Variants in SIDT1 observed in about 807,000 individuals in gnomAD.
SIDT1 encodes SID1 transmembrane family, member 1.
SIDT1 carries 101 observed loss-of-function variants against 107.5 expected under a neutral mutation model. The ratio of observed to expected loss-of-function variants is 0.94; its 90% confidence interval spans 0.80 to 1.11. SIDT1 has a LOEUF of 1.11. Ranked by LOEUF, SIDT1 falls within the 50% of genes least tolerant of loss-of-function variation. SIDT1 has a pLI of 0.00. For missense variants in SIDT1, 1,076 were observed against 1,058.2 expected, an observed-to-expected ratio of 1.02 and a Z score of -0.23; for synonymous variants, 395 against 398.2, an observed-to-expected ratio of 0.99 and a Z score of 0.10.
intron 1 of SIDT1, among the ~76,000 whole-genome samples, chr3:113,547,483 T>G (rs1047022040): frequency 3.9e-5 from 6 of 152,190 alleles, no homozygotes; most frequent in African/African-American, 7.2e-5. Context: ...TTCCCTCATT[T>G]TTTGTTTTTG....
chr3:113,601,901 G>T, intron 11 of SIDT1: 1 of 439,922 alleles, frequency 2.3e-6, no homozygotes, highest in Non-Finnish European at 4.0e-6. Context: ...TTCCTTCAAT[G>T]TTTGCCATCT....
intron 9 of SIDT1, among the ~76,000 whole-genome samples, chr3:113,585,660 A>T (rs894090973): frequency 6.6e-6 from 1 of 152,228 alleles, no homozygotes; most frequent in African/African-American, 2.4e-5. Context: ...AGCTTTAAAC[A>T]TTCTAACAAA....
chr3:113,619,315 T>A (rs1946305103), intron 20 of SIDT1, among the ~76,000 whole-genome samples: 1 of 152,164 alleles, frequency 6.6e-6, no homozygotes, highest in Admixed American at 6.5e-5. Flanking sequence ...AAAACAGTGC[T>A]CAATTACATA....
At position 113,584,998 on chromosome 3, in the gene SIDT1, G is replaced by A. The variant is rs114771873; in HGVS notation, c.908-179G>A. Reference sequence around the variant, plus strand: ...GCTTCTACTGGGAAGTCATCATTGTGAAAGGTAGCTACTGTGGATAATGTC... The same window carrying A: ...GCTTCTACTGGGAAGTCATCATTGTAAAAGGTAGCTACTGTGGATAATGTC... On this transcript the variant is annotated intron_variant, in intron 8 of 24. Transcript: ENST00000264852. Among the ~76,000 whole-genome samples, 1,308 of 152,250 alleles carry A rather than the reference G, an allele frequency of 8.6e-3. 22 individuals carry two copies. Among genetic ancestry groups the A allele is most frequent in the African/African-American group, 0.03 (1,257 of 41,524 alleles).
intron 1 of SIDT1, among the ~76,000 whole-genome samples, chr3:113,552,183 C>A (rs1170881672): frequency 6.6e-6 from 1 of 152,150 alleles, no homozygotes. Context: ...TTTTCTCCTG[C>A]CTTCTAAAAA....
chr3:113,598,311 A>T (rs1412872369), intron 10 of SIDT1, among the ~76,000 whole-genome samples: 1 of 152,190 alleles, frequency 6.6e-6, no homozygotes, highest in Non-Finnish European at 1.5e-5. Context: ...CAAAACACTG[A>T]TTGTTTTTGT....
intron 13 of SIDT1, 98 bp from the exon 14 acceptor site, chr3:113,604,812 A>G: frequency 1.4e-6 from 2 of 1,394,298 alleles, no homozygotes; most frequent in Non-Finnish European, 2.0e-6. Context: ...CAAGTTAATT[A>G]TGGACTTATG....
chr3:113,594,919 A>G (rs1173298578), intron 10 of SIDT1: 3 of 154,348 alleles, frequency 1.9e-5, no homozygotes, highest in African/African-American at 7.2e-5. Context: ...ATTTACTCCC[A>G]GGGCTGGCAG....
rs148262217 is a variant in SIDT1, at chr3:113,608,465, T to A, written c.1649T>A (p.Ile550Asn). The part of the protein sequence containing the change: ...KHFGLFYAMG[I>N]ALMMEGVLSA... ...TTTGGTCTCTTCTACGCTATGGGCA[T>A]TGCATTGATGATGGAAGGGGTGCTC... The change falls in exon 17 of 25, where the codon ATT becomes AAT. Residue 550 changes from isoleucine to asparagine, a missense_variant. Ile to Asn is a moderately radical substitution (Grantham distance 149, BLOSUM62 -3). Coordinates refer to ENST00000264852, the MANE Select transcript of SIDT1 (RefSeq NM_017699.3). 9.9e-6 allele frequency: 16 copies of A among 1,614,168 alleles called. No homozygotes were observed. Among genetic ancestry groups the A allele is most frequent in the Non-Finnish European group, 1.3e-5 (15 of 1,179,982 alleles).
At position 113,619,949 on chromosome 3, in the gene SIDT1, C is replaced by T. The variant is rs538052525; in HGVS notation, c.2090+223C>T. ...GAGTTCATTTGTTCAACAAGACAAA[C>T]ATCAAAACTTGTTAAGTCTATGTGG... is the stretch of plus-strand genomic sequence containing the variant. On this transcript the variant is annotated intron_variant, in intron 21 of 24. Coordinates refer to ENST00000264852, the MANE Select transcript of SIDT1 (RefSeq NM_017699.3). 149 of 466,812 alleles carry T rather than the reference C, an allele frequency of 3.2e-4. No homozygotes were observed. The East Asian group carries it at 4.3e-3, about 13-fold the overall frequency. The allele number at this position is 466,812 out of a possible 1,614,324, so 28.9% of individuals were successfully genotyped here.
chr3:113,591,928 G>T (rs2614198), intron 9 of SIDT1, among the ~76,000 whole-genome samples: 3,083 of 152,258 alleles, frequency 0.02, 115 homozygotes, highest in African/African-American at 0.07. Context: ...ATGAAATGTG[G>T]TCTATCCGTA....
chr3:113,625,377 G>A (rs930762180), intron 23 of SIDT1, among the ~76,000 whole-genome samples: 6 of 152,074 alleles, frequency 3.9e-5, no homozygotes, highest in Non-Finnish European at 7.4e-5. Context: ...GACCTTAGGC[G>A]ATCCACCTGC....
chr3:113,591,909 AGCATGT>A (rs1944184835), intron 9 of SIDT1, among the ~76,000 whole-genome samples: 1 of 152,242 alleles, frequency 6.6e-6, no homozygotes, highest in South Asian at 2.1e-4. Flanking sequence ...ATTAAGTGCA[AGCATGT>A]CAATGAAATG....
rs182639507 is a variant in SIDT1 at position 113,564,637 on chromosome 3, C to T, written c.223-1783C>T. ...GAAGCAGGAATCAAGGATGAATCTC[C>T]AGTTTCAGGCTTACATGAATGGCTG... On this transcript the variant is annotated intron_variant, in intron 1 of 24. Transcript: ENST00000264852. Among the ~76,000 whole-genome samples, 659 of 152,244 alleles carry T rather than the reference C, an allele frequency of 4.3e-3. 10 individuals are homozygous for T. Among genetic ancestry groups the T allele is most frequent in the Non-Finnish European group, 2.7e-3 (185 of 68,024 alleles).
chr3:113,618,629 A>AT (rs1176357356), intron 20 of SIDT1, among the ~76,000 whole-genome samples: 1 of 152,166 alleles, frequency 6.6e-6, no homozygotes, highest in South Asian at 2.1e-4. Flanking sequence ...AGGTGAATTA[A>AT]TTTTTTTAAT....
chr3:113,576,406 G>A (rs761229922), intron 3 of SIDT1, among the ~76,000 whole-genome samples: 1 of 152,142 alleles, frequency 6.6e-6, no homozygotes, highest in African/African-American at 2.4e-5. Context: ...GGGATAGTAA[G>A]GGCCTGCTTC....
intron 18 of SIDT1, among the ~76,000 whole-genome samples, 185 bp from the exon 19 acceptor site, chr3:113,611,901 C>T (rs1945773103): frequency 7.1e-6 from 1 of 140,782 alleles, no homozygotes; most frequent in Admixed American, 7.2e-5. Flanking sequence ...TTTCATTTGG[C>T]CCAGTAGCCT....
rs927671568 is a variant in SIDT1 at position 113,615,915 on chromosome 3, T to C, written c.1967-185T>C. On this transcript the variant is annotated intron_variant, in intron 19 of 24. Coordinates refer to ENST00000264852, the MANE Select transcript of SIDT1 (RefSeq NM_017699.3). ...TGCTGTGTAATGCACAGATATGGCA[T>C]CCCTCTATGACGATACCATTTTTCA... The C allele has an allele frequency of 2.1e-5, 13 of 619,360 alleles. No homozygotes were observed. The Admixed American group carries it at 3.3e-4, about 16-fold the overall frequency. The allele number at this position is 619,360 out of a possible 1,614,324, so 38.4% of individuals were successfully genotyped here.
At position 113,626,227 on chromosome 3, in the gene SIDT1, T is replaced by A; in HGVS notation, c.2421+12T>A. 1 of 1,562,108 alleles carries A rather than the reference T, an allele frequency of 6.4e-7. No homozygotes were observed. The highest frequency in any genetic ancestry group is 2.2e-5 in the East Asian group (1 of 44,610). ...TTTTCTCATTCTTGGTGAGTTCATA[T>A]CTATCTTTTTGTGACTTTCTTCTCT... On this transcript the variant is annotated intron_variant, in intron 24 of 24. Coordinates refer to ENST00000264852, the MANE Select transcript of SIDT1 (RefSeq NM_017699.3).
Sources: allele counts gnomAD v4.1 joint callset (sites outside exome capture counted in the v4.1 genomes callset), GRCh38; gene constraint gnomAD v4.1.1; transcripts MANE v1.5; gene names NCBI Gene and HGNC (gene_info 2026-07-23, HGNC 2026-07-21).